The following USF3 variants were observed in gnomAD, a reference collection of about 807,000 sequenced individuals.
USF3 encodes basic helix-loop-helix domain-containing protein USF3.
In USF3, 29 loss-of-function variants were observed where a neutral mutation model predicts 157.5. The ratio of observed to expected loss-of-function variants is 0.18; its 90% confidence interval spans 0.14 to 0.25. USF3 has a LOEUF of 0.25. Ranked by LOEUF, USF3 falls within the 10% of genes least tolerant of loss-of-function variation. The pLI, the probability that USF3 is intolerant of heterozygous loss-of-function variation, is 1.00. For missense variants in USF3, 2,381 were observed against 2,667.6 expected (o/e 0.89, Z 2.37); for synonymous variants, 893 against 941.4 (o/e 0.95, Z 0.94).
intron 1 of USF3, among the ~76,000 whole-genome samples, chr3:113,681,115 T>C (rs1259523909): frequency 2.0e-5 from 3 of 152,050 alleles, no homozygotes; most frequent in Non-Finnish European, 4.4e-5. Flanking sequence ...GTAACTGGGA[T>C]TACAGGTACC....
At chr3:113,669,582 A>C (rs1365668439) in intron 5 of USF3, among the ~76,000 whole-genome samples, 1 of 151,524 alleles carries the variant, frequency 6.6e-6, no homozygotes, top group African/African-American at 2.4e-5. Context: ...TTTTCAGTGG[A>C]GCATGCTTTA....
chr3:113,664,215 G>T, intron 6 of USF3, 98 bp downstream of exon 6: 1 of 699,168 alleles, frequency 1.4e-6, no homozygotes, highest in Non-Finnish European at 2.4e-6. Context: ...ATGTTTTGGG[G>T]CCAAAAAGCT....
chr3:113,660,665 A>C lies in USF3; in HGVS notation c.1017T>G (p.Val339=). 1 of 1,614,200 alleles carries C rather than the reference A, an allele frequency of 6.2e-7. No homozygotes were observed. ...GDFQNTFVVS[V]TTTVCSQPPR... ...GAGGCTGCGAGCAGACTGTGGTGGT[A>C]ACTGAAACAACAAAAGTGTTTTGAA... is the stretch of plus-strand genomic sequence containing the variant. Residue 339 remains valine (V), a synonymous_variant, in exon 7 of 7, where the codon GTT becomes GTG. Coordinates refer to ENST00000316407, the MANE Select transcript of USF3 (RefSeq NM_001009899.4).
intron 1 of USF3, among the ~76,000 whole-genome samples, chr3:113,681,592 G>A (rs1399403576): frequency 6.7e-6 from 1 of 148,440 alleles, no homozygotes; most frequent in African/African-American, 2.5e-5. Context: ...AGTAGAGACG[G>A]GGTTTCACCA....
At position 113,654,833 on chromosome 3, in the gene USF3, T is replaced by C; in HGVS notation, c.*111A>G. ...CATTCAGAAGATAACTGAAAACTGA[T>C]TATACAGACACACACACACAATCCT... is the stretch of plus-strand genomic sequence containing the variant. On this transcript the variant is annotated 3_prime_UTR_variant, in exon 7 of 7. Coordinates refer to ENST00000316407, the MANE Select transcript of USF3 (RefSeq NM_001009899.4). 1.7e-6 allele frequency: 2 copies of C among 1,210,442 alleles called. No homozygotes were observed. The highest frequency in any genetic ancestry group is 2.3e-6 in the Non-Finnish European group (2 of 883,266). The allele number at this position is 1,210,442 out of a possible 1,614,324, so 75.0% of individuals were successfully genotyped here. A position where few individuals can be genotyped will look rare whatever the true frequency, so the allele number is the denominator to read the frequency against.
chr3:113,671,684 A>T (rs1282707173), intron 4 of USF3, among the ~76,000 whole-genome samples: 2 of 152,028 alleles, frequency 1.3e-5, no homozygotes, highest in Non-Finnish European at 2.9e-5. Flanking sequence ...TGTTTTGCAA[A>T]ATATATATAT....
chr3:113,689,829 C>G (rs1707645270), intron 1 of USF3, among the ~76,000 whole-genome samples: 1 of 152,180 alleles, frequency 6.6e-6, no homozygotes, highest in Non-Finnish European at 1.5e-5. Context: ...TTGAAATTCT[C>G]TCTCCTAGGT....
intron 1 of USF3, among the ~76,000 whole-genome samples, chr3:113,696,109 C>G (rs1380230912): frequency 1.3e-5 from 2 of 152,236 alleles, no homozygotes; most frequent in Non-Finnish European, 2.9e-5. Flanking sequence ...GGGCGCAGTG[C>G]GAGCCCCCCA....
rs780368167 is a variant in USF3, at chr3:113,655,040, T to G, written c.6642A>C (p.Ala2214=). ...GSAMSPLLTI[A]NSSASDSSKQ... ...TGGAAGAGTCAGAGGCAGAGGAATT[T>G]GCTATTGTAAGCAAAGGTGACATTG... is the stretch of plus-strand genomic sequence containing the variant. The change falls in exon 7 of 7, where the codon GCA becomes GCC. Residue 2214 remains alanine (A), a synonymous_variant. Transcript: ENST00000316407. 1 of 1,614,250 alleles carries G rather than the reference T, an allele frequency of 6.2e-7. No homozygotes were observed. The highest frequency in any genetic ancestry group is 8.5e-7 in the Non-Finnish European group (1 of 1,180,044).
At chr3:113,675,017 C>A in intron 2 of USF3, 121 bp from the exon 3 acceptor site, 1 of 689,472 alleles carries the variant, frequency 1.5e-6, no homozygotes, top group Non-Finnish European at 2.7e-6. Flanking sequence ...CATTGAAAAG[C>A]ATTGGATTAG....
chr3:113,674,396 G>T (rs1707229874), intron 3 of USF3, among the ~76,000 whole-genome samples: 1 of 151,618 alleles, frequency 6.6e-6, no homozygotes, highest in African/African-American at 2.4e-5. Flanking sequence ...AGGCTGGAGT[G>T]CAGTGGCATG....
chr3:113,679,009 G>C (rs952077340), intron 1 of USF3, among the ~76,000 whole-genome samples: 151 of 144,138 alleles, frequency 1.0e-3, no homozygotes, highest in Non-Finnish European at 1.3e-3. Flanking sequence ...CCAGGCTGGT[G>C]TCTCTCTCTC....
chr3:113,655,921 T>G lies in USF3; in HGVS notation c.5761A>C (p.Asn1921His). Reference protein sequence around the residue: ...TSPNVSVQKSNPMRITESHAT... With the variant: ...TSPNVSVQKSHPMRITESHAT... Reference sequence around the variant, plus strand: ...TGACTCTCAGTAATCCTCATGGGATTGGATTTCTGTACAGAAACATTGGGG... The same window carrying G: ...TGACTCTCAGTAATCCTCATGGGATGGGATTTCTGTACAGAAACATTGGGG... The change falls in exon 7 of 7, where the codon AAT becomes CAT. Residue 1921 changes from asparagine to histidine, a missense_variant. Coordinates refer to ENST00000316407, the MANE Select transcript of USF3 (RefSeq NM_001009899.4). 1 of 1,614,202 alleles carries G rather than the reference T, an allele frequency of 6.2e-7. No individual in the cohort carries two copies. The highest frequency in any genetic ancestry group is 2.2e-5 in the East Asian group (1 of 44,884).
In USF3 at chr3:113,659,481, G is replaced by A; in HGVS notation, c.2201C>T (p.Pro734Leu). 4 of 1,614,246 alleles carry A rather than the reference G, an allele frequency of 2.5e-6. No individual in the cohort carries two copies. Among genetic ancestry groups the A allele is most frequent in the Non-Finnish European group, 2.5e-6 (3 of 1,180,032 alleles). Residue 734 changes from proline to leucine, a missense_variant, in exon 7 of 7, where the codon CCT becomes CTT. By Grantham distance (98) the Pro-to-Leu change is moderately conservative (BLOSUM62 -3). Around this residue, in one of 6 missense-constraint regions of USF3, gnomAD observed 1,435 missense variants for 1,550.9 expected, o/e 0.93. Transcript: ENST00000316407. The stretch of plus-strand genomic sequence containing the variant: ...ATTTGCAGCAGTTTGAGAATTGGCA[G>A]GCTGGCTAATAGACAATTGTACACA... ...QSCVQLSISQ[P>L]ANSQTAANSQ...
chr3:113,683,853 ATT>A (rs1707491566), intron 1 of USF3, among the ~76,000 whole-genome samples: 1 of 152,174 alleles, frequency 6.6e-6, no homozygotes, highest in African/African-American at 2.4e-5. Flanking sequence ...TTTTTGATAG[ATT>A]TGTCTTTTAG....
rs766173386 is a variant in USF3, at chr3:113,660,706, C to T, written c.976G>A (p.Asp326Asn). 2 of 1,614,194 alleles carry T rather than the reference C, an allele frequency of 1.2e-6. No individual in the cohort carries two copies. Among genetic ancestry groups the T allele is most frequent in the East Asian group, 2.2e-5 (1 of 44,884 alleles). The change falls in exon 7 of 7, where the codon GAC (aspartate) becomes AAC (asparagine). Residue 326 changes from aspartate to asparagine, a missense_variant. Around this residue, in one of 6 missense-constraint regions of USF3, gnomAD observed 1,435 missense variants for 1,550.9 expected, o/e 0.93. Coordinates refer to ENST00000316407, the MANE Select transcript of USF3 (RefSeq NM_001009899.4). ...HGNKSCLSIQ[D>N]FRGDFQNTFV... ...GTGTTTTGAAAATCACCTCTGAAGT[C>T]CTGTATGCTCAGGCAGGACTTGTTT...
chr3:113,674,790 T>A, intron 3 of USF3, 42 bp downstream of exon 3: 2 of 1,557,840 alleles, frequency 1.3e-6, no homozygotes, highest in South Asian at 2.2e-5. Flanking sequence ...TTCTGCTTCT[T>A]ATCTGCCCAA....
At position 113,693,965 on chromosome 3, in the gene USF3, G is replaced by A. The variant is rs547674056; in HGVS notation, c.-135+2405C>T. 3.9e-5 allele frequency among the ~76,000 whole-genome samples: 6 copies of A among 152,368 alleles called. No homozygotes were observed. The East Asian group carries it at 7.7e-4, about 20-fold the overall frequency. On this transcript the variant is annotated intron_variant, in intron 1 of 6. Transcript: ENST00000316407. ...CAGAACACAAGCTTAGCTTTTGGAC[G>A]TAGTCTCATGGGAGTTCTCAGCCAG...
intron 1 of USF3, among the ~76,000 whole-genome samples, chr3:113,681,714 TA>T (rs1187131012): frequency 6.0e-5 from 9 of 149,852 alleles, no homozygotes; most frequent in East Asian, 1.9e-4. Context: ...TATTTCAATT[TA>T]AAAAAAAAAT....
Sources: allele counts gnomAD v4.1 joint callset (sites outside exome capture counted in the v4.1 genomes callset), GRCh38; gene constraint gnomAD v4.1.1; regional missense constraint gnomAD v4.1.1; transcripts MANE v1.5; gene names NCBI Gene and HGNC (gene_info 2026-07-23, HGNC 2026-07-21).